AGBL4: variants seen among roughly 807,000 people sequenced by gnomAD.
AGBL4 encodes the protein cytosolic carboxypeptidase 6.
A neutral mutation model predicts 66.4 loss-of-function variants in AGBL4; 58 were observed. That is an observed-to-expected ratio of 0.87 (90% CI 0.71 to 1.09). The LOEUF (loss-of-function observed/expected upper bound fraction) is 1.09, where lower values mean the gene tolerates loss of function less well. AGBL4 is among the 50% of genes least tolerant of loss of function. AGBL4 has a pLI of 0.00. For missense variants in AGBL4, 579 were observed against 631.0 expected, an observed-to-expected ratio of 0.92 and a Z score of 0.88; for synonymous variants, 234 against 222.9, an observed-to-expected ratio of 1.05 and a Z score of -0.44.
intron 11 of AGBL4, among the ~76,000 whole-genome samples, chr1:48,577,423 T>C (rs1196913775): frequency 2.6e-5 from 4 of 152,224 alleles, no homozygotes; most frequent in Non-Finnish European, 4.4e-5. Flanking sequence ...GTTATCACTA[T>C]AAAGAAACTT....
intron 6 of AGBL4, among the ~76,000 whole-genome samples, chr1:48,685,362 T>G (rs1646515734): frequency 6.6e-6 from 1 of 152,220 alleles, no homozygotes; most frequent in Non-Finnish European, 1.5e-5. Context: ...TATAATTCAT[T>G]CTTTAGGTCT....
At chr1:49,163,124 G>A (rs1054713822) in intron 4 of AGBL4, among the ~76,000 whole-genome samples, 12 of 152,136 alleles carry the variant, frequency 7.9e-5, no homozygotes, top group Non-Finnish European at 1.3e-4. Context: ...TTAGGATAAC[G>A]CTTGGAACTA....
At chr1:49,577,099 G>A (rs546854329) in intron 3 of AGBL4, among the ~76,000 whole-genome samples, 1 of 152,342 alleles carries the variant, frequency 6.6e-6, no homozygotes, top group East Asian at 1.9e-4. Flanking sequence ...GAAAATTGGT[G>A]ACAAAGAAAT....
chr1:48,900,649 A>G (rs372086203), intron 5 of AGBL4, among the ~76,000 whole-genome samples: 3 of 152,250 alleles, frequency 2.0e-5, no homozygotes, highest in African/African-American at 4.8e-5. Flanking sequence ...AGTTTTTTCA[A>G]CAAATGGAAC....
intron 5 of AGBL4, among the ~76,000 whole-genome samples, chr1:48,873,257 C>T (rs1235501805): frequency 1.3e-5 from 2 of 152,150 alleles, no homozygotes; most frequent in Non-Finnish European, 2.9e-5. Context: ...TTCTGGTTGC[C>T]AAATTTGCCG....
intron 3 of AGBL4, among the ~76,000 whole-genome samples, chr1:49,374,585 T>G (rs1312411481): frequency 1.3e-5 from 2 of 152,144 alleles, no homozygotes; most frequent in African/African-American, 2.4e-5. Context: ...TAATTTGGAA[T>G]GTAAGACTGA....
chr1:48,728,287 A>G (rs1647502744), intron 6 of AGBL4, among the ~76,000 whole-genome samples: 1 of 152,148 alleles, frequency 6.6e-6, no homozygotes, highest in African/African-American at 2.4e-5. Flanking sequence ...GTGGAGCAGG[A>G]TACTATTGGT....
intron 5 of AGBL4, among the ~76,000 whole-genome samples, chr1:48,868,196 T>C (rs558950404): frequency 4.2e-4 from 64 of 152,226 alleles, no homozygotes; most frequent in Non-Finnish European, 7.5e-4. Flanking sequence ...TGAGAGTCAT[T>C]GCTCTAGATT....
At chr1:48,538,708 A>G (rs893552896) in intron 12 of AGBL4, among the ~76,000 whole-genome samples, 16 of 152,218 alleles carry the variant, frequency 1.1e-4, no homozygotes, top group African/African-American at 3.9e-4. Context: ...TACACAAAGT[A>G]CTCTGTACAA....
chr1:49,847,515 G>T (rs553636729), intron 2 of AGBL4, among the ~76,000 whole-genome samples: 2 of 152,068 alleles, frequency 1.3e-5, no homozygotes, highest in East Asian at 1.9e-4. Context: ...CTATACATCG[G>T]ACAGGGGACT....
chr1:49,366,465 G>C (rs1487931663), intron 3 of AGBL4, among the ~76,000 whole-genome samples: 1 of 152,172 alleles, frequency 6.6e-6, no homozygotes, highest in East Asian at 1.9e-4. Flanking sequence ...CCATGAGAGA[G>C]TCTAAACAGC....
chr1:49,957,588 G>A (rs1414431710), intron 1 of AGBL4, among the ~76,000 whole-genome samples: 1 of 151,928 alleles, frequency 6.6e-6, no homozygotes, highest in Non-Finnish European at 1.5e-5. Flanking sequence ...TCTTCTTGTT[G>A]AATTGATCCC....
intron 3 of AGBL4, among the ~76,000 whole-genome samples, chr1:49,663,760 A>G (rs1421943610): frequency 6.6e-6 from 1 of 152,146 alleles, no homozygotes; most frequent in African/African-American, 2.4e-5. Flanking sequence ...TGGTACCAAA[A>G]GAGTATAAGG....
chr1:49,318,087 G>A (rs1029462122), intron 3 of AGBL4, among the ~76,000 whole-genome samples: 1 of 151,944 alleles, frequency 6.6e-6, no homozygotes, highest in Non-Finnish European at 1.5e-5. Flanking sequence ...CAGCTTTGCA[G>A]AATGACAGAA....
At chr1:49,488,982 C>T (rs147897905) in intron 3 of AGBL4, among the ~76,000 whole-genome samples, 1 of 151,880 alleles carries the variant, frequency 6.6e-6, no homozygotes, top group East Asian at 1.9e-4. Flanking sequence ...GTGAATAGTG[C>T]TGCAATAAAC....
intron 2 of AGBL4, among the ~76,000 whole-genome samples, chr1:49,708,996 C>G (rs1647422832): frequency 6.6e-6 from 1 of 152,142 alleles, no homozygotes; most frequent in African/African-American, 2.4e-5. Flanking sequence ...TCTATCGACC[C>G]CTGCTGTGAG....
chr1:49,793,231 C>T (rs1644646775), intron 2 of AGBL4, among the ~76,000 whole-genome samples: 1 of 152,016 alleles, frequency 6.6e-6, no homozygotes, highest in Non-Finnish European at 1.5e-5. Context: ...CAGTATCTGA[C>T]ATATATCTGG....
rs1571222029 is a variant in AGBL4, at chr1:49,009,794, T to C, written c.594+35790A>G. ...GACAAAAACCACATGATTATCTCAATAGATGCAGAAAAGGCCTTTGACAAA... is the reference window on the plus strand; with the variant it reads ...GACAAAAACCACATGATTATCTCAACAGATGCAGAAAAGGCCTTTGACAAA... On this transcript the variant is annotated intron_variant, in intron 5 of 13. Transcript: ENST00000371839. Among the ~76,000 whole-genome samples the C allele has an allele frequency of 2.6e-5, 4 of 152,110 alleles. No homozygotes were observed. The South Asian group carries it at 8.3e-4, about 32-fold the overall frequency.
At chr1:48,625,090 C>CTCCTTCCTTCCTTCCTTCCTTCCTTCCT (rs66798647) in intron 9 of AGBL4, among the ~76,000 whole-genome samples, 4 of 140,500 alleles carry the variant, frequency 2.8e-5, no homozygotes, top group African/African-American at 1.1e-4. Context: ...TTTTTTCTTT[C>CTCCTTCCTTCCTTCCTTCCTTCCTTCCT]TCCTTCCTTC....
Sources: gnomAD v4.1 joint callset for allele counts (sites outside exome capture counted in the v4.1 genomes callset) on GRCh38, gnomAD v4.1.1 for gene constraint, MANE v1.5 for transcripts, NCBI Gene and HGNC (gene_info 2026-07-23, HGNC 2026-07-21) for gene names.